The following DMTF1 variants were observed in gnomAD, a reference collection of about 807,000 sequenced individuals.
DMTF1 encodes cyclin D binding myb like transcription factor 1, also known as cyclin-D-binding Myb-like transcription factor 1.
A neutral mutation model predicts 91.1 loss-of-function variants in DMTF1; 39 were observed. The observed-to-expected ratio is 0.43, with a 90% CI of 0.33 to 0.56. The LOEUF is 0.56. Ranked by LOEUF, DMTF1 falls within the 20% of genes least tolerant of loss-of-function variation. DMTF1 has a pLI of 0.05. For missense variants in DMTF1, 750 were observed against 914.5 expected (o/e 0.82, Z 2.32); for synonymous variants, 338 against 309.5 (o/e 1.09, Z -0.97).
intron 1 of DMTF1, among the ~76,000 whole-genome samples, chr7:87,153,911 T>C (rs139606325): frequency 6.6e-6 from 1 of 152,356 alleles, no homozygotes; most frequent in East Asian, 1.9e-4. Context: ...TTTCATGTTT[T>C]TTCATTACTT....
At chr7:87,157,775 T>C (rs1791148085) in intron 1 of DMTF1, among the ~76,000 whole-genome samples, 2 of 152,030 alleles carry the variant, frequency 1.3e-5, no homozygotes, top group Non-Finnish European at 2.9e-5. Context: ...CATTGGGAGC[T>C]ATAAGGTTAT....
chr7:87,155,329 T>G (rs867669267), intron 1 of DMTF1: 9 of 152,310 alleles, frequency 5.9e-5, no homozygotes, highest in South Asian at 2.1e-4. Flanking sequence ...TGAGGTGGTG[T>G]TCTGCCTTTC....
At chr7:87,167,807 T>G (rs1232227263) in intron 4 of DMTF1, among the ~76,000 whole-genome samples, 1 of 152,212 alleles carries the variant, frequency 6.6e-6, no homozygotes, top group African/African-American at 2.4e-5. Context: ...ATCATTATGT[T>G]GTGATTCAAT....
rs1800492143 is a variant in DMTF1 at position 87,193,774 on chromosome 7, C to T, written c.1700C>T (p.Thr567Ile). The change falls in exon 16 of 18, where the codon ACA becomes ATA. Residue 567 changes from threonine (T) to isoleucine (I), a missense_variant. Thr to Ile is a moderately conservative substitution (Grantham distance 89). This residue lies in a region of DMTF1 where 410 missense variants were observed against 420.2 expected (regional missense o/e 0.98). Coordinates refer to ENST00000331242, the MANE Select transcript of DMTF1 (RefSeq NM_001142327.2). The stretch of plus-strand genomic sequence containing the variant: ...GATAATGTTACAGTGCAGTGTCACA[C>T]ACCAAGAGTCATCATTCAGACTGTT... Reference protein sequence around the residue: ...TSDNVTVQCHTPRVIIQTVAT... With the variant: ...TSDNVTVQCHIPRVIIQTVAT... The T allele has an allele frequency of 2.5e-6, 4 of 1,612,490 alleles. No homozygotes were observed. The highest frequency in any genetic ancestry group is 3.4e-6 in the Non-Finnish European group (4 of 1,179,028).
At chr7:87,165,840 C>A (rs1190529171) in intron 3 of DMTF1, among the ~76,000 whole-genome samples, 3 of 152,182 alleles carry the variant, frequency 2.0e-5, no homozygotes, top group African/African-American at 7.2e-5. Flanking sequence ...CATTTGAAGA[C>A]TTCTTGATAG....
At chr7:87,160,055 C>G (rs1358263430) in intron 1 of DMTF1, among the ~76,000 whole-genome samples, 1 of 152,012 alleles carries the variant, frequency 6.6e-6, no homozygotes, top group Non-Finnish European at 1.5e-5. Flanking sequence ...AGTTGTTAAC[C>G]ATAGGTTCAT....
Position 87,193,787 on chromosome 7 carries a change from C to T in DMTF1, c.1713C>T (p.Ile571=), listed in dbSNP as rs2129201385. The change falls in exon 16 of 18, where the codon ATC becomes ATT. Residue 571 remains isoleucine, a synonymous_variant. Transcript: ENST00000331242. ...TGCAGTGTCACACACCAAGAGTCAT[C>T]ATTCAGACTGTTGCCACAGAGGACA... is the stretch of plus-strand genomic sequence containing the variant. The part of the protein sequence containing the change: ...VTVQCHTPRV[I]IQTVATEDIT... 6.2e-7 allele frequency: 1 copy of T among 1,612,730 alleles called. No homozygotes were observed. Among genetic ancestry groups the T allele is most frequent in the Non-Finnish European group, 8.5e-7 (1 of 1,179,136 alleles).
intron 1 of DMTF1, chr7:87,154,303 G>A (rs1189613684): frequency 6.6e-6 from 1 of 152,334 alleles, no homozygotes. Flanking sequence ...TTTCATGATT[G>A]TGGTGATTTT....
At chr7:87,194,524 G>A (rs563886926) in intron 16 of DMTF1, 160 bp from the exon 17 acceptor site, 14 of 528,288 alleles carry the variant, frequency 2.7e-5, no homozygotes, top group Admixed American at 2.2e-4. Flanking sequence ...ATGTTAGATT[G>A]TGAGGTCATC....
intron 13 of DMTF1, among the ~76,000 whole-genome samples, chr7:87,190,160 A>C (rs558632016): frequency 1.5e-4 from 23 of 152,222 alleles, no homozygotes; most frequent in African/African-American, 5.5e-4. Context: ...TCTGATCCTC[A>C]GTTGACACAC....
chr7:87,192,213 G>C (rs113246042), intron 14 of DMTF1, among the ~76,000 whole-genome samples: 1,641 of 152,010 alleles, frequency 0.011, 28 homozygotes, highest in African/African-American at 0.037. Flanking sequence ...TAGTACTCCA[G>C]CTTCAAAAAA....
At chr7:87,164,054 TAAA>T (rs61634018) in intron 2 of DMTF1, among the ~76,000 whole-genome samples, 902 of 73,496 alleles carry the variant, frequency 0.012, 7 homozygotes, top group African/African-American at 0.034. Flanking sequence ...ACGCCTTCTC[TAAA>T]AAAAAAAAAA....
At chr7:87,177,594 C>G (rs140508541) in intron 7 of DMTF1, among the ~76,000 whole-genome samples, 1 of 152,286 alleles carries the variant, frequency 6.6e-6, no homozygotes, top group African/African-American at 2.4e-5. Flanking sequence ...AGATTTTTAA[C>G]TGCAATATCA....
At chr7:87,190,550 C>T (rs1799510909) in intron 13 of DMTF1, among the ~76,000 whole-genome samples, 1 of 151,988 alleles carries the variant, frequency 6.6e-6, no homozygotes, top group Non-Finnish European at 1.5e-5. Flanking sequence ...GTTAGCAAAC[C>T]TTTTCTATAA....
chr7:87,190,896 C>T (rs760199111), intron 13 of DMTF1, 49 bp from the exon 14 acceptor site: 1 of 1,474,136 alleles, frequency 6.8e-7, no homozygotes. Flanking sequence ...ATTAACAAAA[C>T]ATTTATTGTA....
At chr7:87,159,114 T>C (rs1791550393) in intron 1 of DMTF1, among the ~76,000 whole-genome samples, 1 of 152,150 alleles carries the variant, frequency 6.6e-6, no homozygotes, top group Non-Finnish European at 1.5e-5. Context: ...TCCATAGTTA[T>C]GCATGAATAA....
chr7:87,189,522 A>G (rs574385370), intron 13 of DMTF1, among the ~76,000 whole-genome samples: 1 of 152,132 alleles, frequency 6.6e-6, no homozygotes, highest in South Asian at 2.1e-4. Flanking sequence ...GAAGACAAAC[A>G]TTTTATAAAT....
intron 4 of DMTF1, among the ~76,000 whole-genome samples, chr7:87,168,767 T>C (rs1794423783): frequency 6.6e-6 from 1 of 152,180 alleles, no homozygotes; most frequent in Non-Finnish European, 1.5e-5. Flanking sequence ...TAACCTGAAG[T>C]GGGCTCATAA....
intron 8 of DMTF1, among the ~76,000 whole-genome samples, chr7:87,180,489 A>T (rs1275693193): frequency 6.6e-6 from 1 of 152,254 alleles, no homozygotes; most frequent in Non-Finnish European, 1.5e-5. Context: ...TTTTAAAAAG[A>T]ACATTACATA....
Sources: allele counts gnomAD v4.1 joint callset (sites outside exome capture counted in the v4.1 genomes callset), GRCh38; gene constraint gnomAD v4.1.1; regional missense constraint gnomAD v4.1.1; transcripts MANE v1.5; gene names NCBI Gene and HGNC (gene_info 2026-07-23, HGNC 2026-07-21).